Variants in PPP2R2B observed in about 807,000 individuals in gnomAD.
PPP2R2B encodes serine/threonine-protein phosphatase 2A 55 kDa regulatory subunit B beta isoform.
A neutral mutation model predicts 46.0 loss-of-function variants in PPP2R2B; 5 were observed. The ratio of observed to expected loss-of-function variants is 0.11; its 90% confidence interval spans 0.06 to 0.23. PPP2R2B has a LOEUF of 0.23. PPP2R2B is among the 10% of genes least tolerant of loss of function. The pLI, the probability that PPP2R2B is intolerant of heterozygous loss-of-function variation, is 1.00. For synonymous variants in PPP2R2B, 215 were observed against 206.7 expected (o/e 1.04, Z -0.34); for missense variants, 367 against 575.0 (o/e 0.64, Z 3.70).
chr5:146,980,032 C>A (rs1484846264), intron 1 of PPP2R2B, among the ~76,000 whole-genome samples: 3 of 151,894 alleles, frequency 2.0e-5, no homozygotes, highest in African/African-American at 7.3e-5. Context: ...GAGATATCCA[C>A]AAAATTGAAT....
chr5:146,596,561 C>G (rs918827971), intron 8 of PPP2R2B, among the ~76,000 whole-genome samples: 4 of 152,234 alleles, frequency 2.6e-5, no homozygotes, highest in Admixed American at 2.6e-4. Flanking sequence ...TAAATCTACT[C>G]TTCCTAGTTA....
intron 7 of PPP2R2B, among the ~76,000 whole-genome samples, chr5:146,629,601 G>T (rs970576003): frequency 6.6e-6 from 1 of 152,056 alleles, no homozygotes; most frequent in Admixed American, 6.6e-5. Flanking sequence ...ACCATCTCAT[G>T]GTTTCCCATC....
chr5:146,722,378 G>A (rs768935325), intron 2 of PPP2R2B, among the ~76,000 whole-genome samples: 7 of 152,114 alleles, frequency 4.6e-5, no homozygotes, highest in Non-Finnish European at 1.0e-4. Context: ...TCAGGTCTGC[G>A]GAGCTACAAA....
intron 1 of PPP2R2B, among the ~76,000 whole-genome samples, chr5:146,889,194 T>C (rs957482880): frequency 2.6e-5 from 4 of 152,220 alleles, no homozygotes; most frequent in African/African-American, 9.6e-5. Context: ...AGGATGCTTA[T>C]GTAGTAAAGG....
chr5:146,885,352 T>C (rs1037592244), intron 1 of PPP2R2B, among the ~76,000 whole-genome samples: 4 of 152,218 alleles, frequency 2.6e-5, no homozygotes, highest in Admixed American at 1.3e-4. Context: ...TGTGTGTCTA[T>C]TGCAGTGGGT....
At chr5:146,983,425 C>T (rs868648976) in intron 1 of PPP2R2B, among the ~76,000 whole-genome samples, 2 of 152,096 alleles carry the variant, frequency 1.3e-5, no homozygotes, top group Non-Finnish European at 2.9e-5. Flanking sequence ...CGTGATCTGC[C>T]CGCCTTGGCC....
chr5:146,886,238 C>G (rs1762320360), intron 1 of PPP2R2B, among the ~76,000 whole-genome samples: 1 of 152,036 alleles, frequency 6.6e-6, no homozygotes, highest in Non-Finnish European at 1.5e-5. Flanking sequence ...ACTCGGGAAG[C>G]TGAGGCAGGA....
At chr5:146,668,049 C>T (rs557920357) in intron 5 of PPP2R2B, among the ~76,000 whole-genome samples, 1 of 152,332 alleles carries the variant, frequency 6.6e-6, no homozygotes, top group African/African-American at 2.4e-5. Context: ...CACCTCACTT[C>T]TATCCACCCA....
At chr5:146,767,426 G>A (rs1259785734) in intron 2 of PPP2R2B, among the ~76,000 whole-genome samples, 2 of 152,104 alleles carry the variant, frequency 1.3e-5, no homozygotes, top group East Asian at 3.9e-4. Context: ...GGTATAGAGT[G>A]AATCTTTCAG....
rs185267657 is a variant in PPP2R2B, at chr5:146,870,233, A to C, written c.70+7769T>G. The stretch of plus-strand genomic sequence containing the variant: ...TTCAGTTCCCCAGTGTTATGGACCA[A>C]ATTGTGCCCCCCTCCACCCCAATCT... On this transcript the variant is annotated intron_variant, in intron 2 of 9. Transcript: ENST00000394411. Among the ~76,000 whole-genome samples, 119 of 152,254 alleles carry C rather than the reference A, an allele frequency of 7.8e-4. 1 individual carries two copies. In the East Asian group the frequency reaches 0.021, roughly 27 times the overall value.
intron 1 of PPP2R2B, among the ~76,000 whole-genome samples, chr5:147,009,433 C>T (rs1754608036): frequency 6.6e-6 from 1 of 151,992 alleles, no homozygotes; most frequent in Admixed American, 6.6e-5. Context: ...ATTCATATTT[C>T]TTTGAAAGCA....
chr5:147,043,272 A>C (rs1260099704), intron 1 of PPP2R2B, among the ~76,000 whole-genome samples: 1 of 152,018 alleles, frequency 6.6e-6, no homozygotes, highest in African/African-American at 2.4e-5. Context: ...CATAGTTTGA[A>C]GCCCCAACCC....
At chr5:146,731,423 A>G (rs1386744319) in intron 2 of PPP2R2B, among the ~76,000 whole-genome samples, 1 of 152,184 alleles carries the variant, frequency 6.6e-6, no homozygotes, top group Non-Finnish European at 1.5e-5. Context: ...ATTTTGCAAG[A>G]GACCTTAACT....
intron 1 of PPP2R2B, among the ~76,000 whole-genome samples, chr5:147,021,097 TC>T (rs1364376269): frequency 2.6e-5 from 4 of 152,314 alleles, no homozygotes; most frequent in Non-Finnish European, 5.9e-5. Flanking sequence ...CCAGACTAGC[TC>T]TTCCACTGCA....
At chr5:146,952,501 G>A (rs1046431520) in intron 1 of PPP2R2B, among the ~76,000 whole-genome samples, 3 of 152,054 alleles carry the variant, frequency 2.0e-5, no homozygotes, top group African/African-American at 7.2e-5. Context: ...AGTTGGGGTC[G>A]ATTAATTCCT....
chr5:146,621,660 C>T (rs559676205), intron 7 of PPP2R2B, among the ~76,000 whole-genome samples: 36 of 152,274 alleles, frequency 2.4e-4, no homozygotes, highest in East Asian at 1.9e-3. Flanking sequence ...ATGTGGAGAA[C>T]AGTCACTGAA....
intron 1 of PPP2R2B, among the ~76,000 whole-genome samples, chr5:146,976,673 C>T (rs1752922219): frequency 1.3e-5 from 2 of 152,024 alleles, no homozygotes; most frequent in African/African-American, 4.8e-5. Flanking sequence ...TATTCTATTC[C>T]ATTGAGCTAT....
intron 2 of PPP2R2B, among the ~76,000 whole-genome samples, chr5:146,854,176 A>G (rs1267793867): frequency 1.3e-5 from 2 of 152,140 alleles, no homozygotes; most frequent in African/African-American, 2.4e-5. Context: ...CACACATTAA[A>G]TTATTATTTC....
At chr5:146,629,646 C>T (rs1774290739) in intron 7 of PPP2R2B, among the ~76,000 whole-genome samples, 1 of 152,126 alleles carries the variant, frequency 6.6e-6, no homozygotes, top group Admixed American at 6.5e-5. Context: ...TCTGCTCTGG[C>T]CCATAAAGCT....
Sources: allele counts gnomAD v4.1 joint callset (sites outside exome capture counted in the v4.1 genomes callset), GRCh38; gene constraint gnomAD v4.1.1; transcripts MANE v1.5; gene names NCBI Gene and HGNC (gene_info 2026-07-23, HGNC 2026-07-21).